ADGRB1: variants seen among roughly 807,000 people sequenced by gnomAD.
ADGRB1 encodes the protein adhesion G protein-coupled receptor B1, also known as brain-specific angiogenesis inhibitor 1.
In ADGRB1, 36 loss-of-function variants were observed where a neutral mutation model predicts 175.7. That is an observed-to-expected ratio of 0.20 (90% CI 0.16 to 0.27). The LOEUF (loss-of-function observed/expected upper bound fraction) is 0.27. Ranked by LOEUF, ADGRB1 falls within the 10% of genes least tolerant of loss-of-function variation. The pLI is 1.00. For missense variants in ADGRB1, 1,731 were observed against 2,255.3 expected (o/e 0.77, Z 4.71); for synonymous variants, 1,054 against 979.4 (o/e 1.08, Z -1.42).
chr8:142,516,288 T>C (rs1163086870), intron 18 of ADGRB1, among the ~76,000 whole-genome samples: 1 of 132,840 alleles, frequency 7.5e-6, no homozygotes, highest in Non-Finnish European at 1.6e-5. Context: ...GTTGCGTGTG[T>C]GTGGGCCCCA....
At chr8:142,528,675 G>GC (rs1016861899) in intron 24 of ADGRB1, among the ~76,000 whole-genome samples, 1 of 151,974 alleles carries the variant, frequency 6.6e-6, no homozygotes, top group Non-Finnish European at 1.5e-5. Context: ...TCCCTCCTAG[G>GC]CCCACCCTTG....
In ADGRB1 at chr8:142,464,117, C is replaced by T. The variant is rs1472911844; in HGVS notation, c.-82C>T. Reference sequence around the variant, plus strand: ...CTGCCCCCACCGGGCCGGCCCTGCCCGCCGCCGGACCCTGGCATGTCAAGA... The same window carrying T: ...CTGCCCCCACCGGGCCGGCCCTGCCTGCCGCCGGACCCTGGCATGTCAAGA... On this transcript the variant is annotated 5_prime_UTR_variant, in exon 2 of 31. Coordinates refer to ENST00000517894, the MANE Select transcript of ADGRB1 (RefSeq NM_001702.3). 4 of 1,187,806 alleles carry T rather than the reference C, an allele frequency of 3.4e-6. No homozygotes were observed. Among genetic ancestry groups the T allele is most frequent in the Admixed American group, 4.4e-5 (1 of 22,752 alleles). The allele number at this position is 1,187,806 out of a possible 1,614,324, so 73.6% of individuals were successfully genotyped here. A position where few individuals can be genotyped will look rare whatever the true frequency, so the allele number is the denominator to read the frequency against.
chr8:142,481,268 C>T lies in ADGRB1; in HGVS notation c.1843C>T (p.Arg615Trp), dbSNP rs765738842. 10 of 1,613,664 alleles carry T rather than the reference C, an allele frequency of 6.2e-6. No homozygotes were observed. Among genetic ancestry groups the T allele is most frequent in the East Asian group, 2.2e-5 (1 of 44,906 alleles). ...PRNATGLILR[R>W]CELDEEGIAY... ...GGTCTCCCCAGGACTCATCCTGCGACGGTGTGAGCTGGACGAGGAAGGCAT... is the reference window on the plus strand; with the variant it reads ...GGTCTCCCCAGGACTCATCCTGCGATGGTGTGAGCTGGACGAGGAAGGCAT... The change falls in exon 10 of 31, where the codon CGG becomes TGG. Residue 615 changes from arginine to tryptophan, a missense_variant. Transcript: ENST00000517894.
At chr8:142,512,324 G>A (rs1245773480) in intron 18 of ADGRB1, among the ~76,000 whole-genome samples, 3 of 152,220 alleles carry the variant, frequency 2.0e-5, no homozygotes, top group Non-Finnish European at 4.4e-5. Flanking sequence ...AGTCTGAAGG[G>A]CCATCTCGGA....
chr8:142,490,704 A>G (rs1258445270), intron 16 of ADGRB1, 68 bp from the exon 17 acceptor site: 3 of 1,504,844 alleles, frequency 2.0e-6, no homozygotes, highest in African/African-American at 2.8e-5. Flanking sequence ...GGTGGGTCCC[A>G]TGGTGACCCG....
At chr8:142,450,642 C>T (rs974466297) in intron 1 of ADGRB1, among the ~76,000 whole-genome samples, 3 of 152,136 alleles carry the variant, frequency 2.0e-5, no homozygotes, top group Non-Finnish European at 4.4e-5. Context: ...CCGAGACGTC[C>T]TCCCCCCACG....
chr8:142,468,194 A>G (rs1390897155), intron 2 of ADGRB1, among the ~76,000 whole-genome samples: 7 of 151,572 alleles, frequency 4.6e-5, no homozygotes, highest in Admixed American at 1.3e-4. Flanking sequence ...GGGTGCCCCC[A>G]TGTAAGTGTG....
chr8:142,487,419 G>A (rs929767475), intron 13 of ADGRB1, among the ~76,000 whole-genome samples: 5 of 152,154 alleles, frequency 3.3e-5, no homozygotes, highest in African/African-American at 9.7e-5. Context: ...GACCCAGTCC[G>A]AATTCCCTCT....
intron 22 of ADGRB1, among the ~76,000 whole-genome samples, 199 bp from the exon 23 acceptor site, chr8:142,524,039 T>C (rs1844026546): frequency 1.3e-5 from 2 of 151,894 alleles, no homozygotes; most frequent in African/African-American, 4.8e-5. Flanking sequence ...AAAATGGGGG[T>C]GACAGTGGCT....
intron 2 of ADGRB1, among the ~76,000 whole-genome samples, chr8:142,469,473 ATGTG>A (rs747797345): frequency 8.4e-6 from 1 of 118,690 alleles, no homozygotes; most frequent in Non-Finnish European, 1.8e-5. Context: ...ATGCACGTGC[ATGTG>A]TGAGTGTGTA....
chr8:142,508,994 T>G (rs1184354684), intron 17 of ADGRB1, among the ~76,000 whole-genome samples: 1 of 152,144 alleles, frequency 6.6e-6, no homozygotes, highest in Non-Finnish European at 1.5e-5. Flanking sequence ...ACAGTTTTCC[T>G]TCTCTGTAAA....
chr8:142,464,173 G>T lies in ADGRB1; in HGVS notation c.-26G>T. ...TCCGCGCCTGCCTGCCCAGCCCGCG[G>T]AACCCCGGCGGCCCCGCGAGCTAGG... On this transcript the variant is annotated 5_prime_UTR_variant, in exon 2 of 31. It introduces an in-frame stop codon into an upstream open reading frame of the 5' UTR. Coordinates refer to ENST00000517894, the MANE Select transcript of ADGRB1 (RefSeq NM_001702.3). The T allele has an allele frequency of 8.0e-7, 1 of 1,256,476 alleles. No homozygotes were observed. The highest frequency in any genetic ancestry group is 3.3e-5 in the South Asian group (1 of 30,278). 77.8% of individuals were successfully genotyped at this position (1,256,476 alleles called of 1,614,324 possible).
intron 13 of ADGRB1, among the ~76,000 whole-genome samples, chr8:142,487,215 C>T (rs1272237530): frequency 6.6e-6 from 1 of 152,156 alleles, no homozygotes; most frequent in African/African-American, 2.4e-5. Flanking sequence ...CACCGCCCCT[C>T]GATGACCCTG....
rs564016726 is a variant in ADGRB1 at position 142,520,939 on chromosome 8, C to T, written c.3024+14C>T. The stretch of plus-strand genomic sequence containing the variant: ...ACCCGCAACAAGGTAGGCAGCCTTG[C>T]GTCCTGCCATGCACTTCCCAACATC... On this transcript the variant is annotated intron_variant, in intron 20 of 30. Transcript: ENST00000517894. 105 of 1,602,542 alleles carry T rather than the reference C, an allele frequency of 6.6e-5. 1 individual carries two copies. The Middle Eastern group carries it at 6.7e-4, about 10-fold the overall frequency.
chr8:142,522,089 G>A lies in ADGRB1; in HGVS notation c.3149G>A (p.Arg1050His), dbSNP rs887675747. 6.2e-7 allele frequency: 1 copy of A among 1,611,220 alleles called. No individual in the cohort carries two copies. The highest frequency in any genetic ancestry group is 2.2e-5 in the East Asian group (1 of 44,842). Residue 1050 changes from arginine to histidine, a missense_variant, in exon 21 of 31, where the codon CGC becomes CAC. By Grantham distance (29) the Arg-to-His change is conservative. This residue lies in a region of ADGRB1 where 301 missense variants were observed against 488.4 expected (regional missense o/e 0.62). Coordinates refer to ENST00000517894, the MANE Select transcript of ADGRB1 (RefSeq NM_001702.3). ...GGCCACCTCCGGAACCGCCTCATCC[G>A]CAAGCGCTTCCTCTGCCTGGGCTGG... ...VTGHLRNRLI[R>H]KRFLCLGWGL...
chr8:142,519,606 GTGA>G (rs1484568182), intron 19 of ADGRB1, among the ~76,000 whole-genome samples: 2 of 151,106 alleles, frequency 1.3e-5, no homozygotes, highest in Non-Finnish European at 3.0e-5. Context: ...GGTGATGGTA[GTGA>G]TGGTGGTGGT....
At chr8:142,472,595 A>G (rs1355211663) in intron 2 of ADGRB1, among the ~76,000 whole-genome samples, 1 of 152,194 alleles carries the variant, frequency 6.6e-6, no homozygotes, top group African/African-American at 2.4e-5. Context: ...ACAAACATTT[A>G]CTGAGTGTCA....
chr8:142,531,624 C>T (rs1303047137), intron 24 of ADGRB1, among the ~76,000 whole-genome samples: 12 of 152,168 alleles, frequency 7.9e-5, no homozygotes, highest in Non-Finnish European at 1.6e-4. Flanking sequence ...GGCCACGGTA[C>T]CCTGAGACCC....
chr8:142,542,782 C>G lies in ADGRB1; in HGVS notation c.4413+135C>G. The G allele has an allele frequency of 2.5e-6, 2 of 806,024 alleles. No individual in the cohort carries two copies. The highest frequency in any genetic ancestry group is 3.7e-6 in the Non-Finnish European group (2 of 537,244). 49.9% of individuals were successfully genotyped at this position (806,024 alleles called of 1,614,324 possible). A position where few individuals can be genotyped will look rare whatever the true frequency, so the allele number is the denominator to read the frequency against. On this transcript the variant is annotated intron_variant, in intron 28 of 30. Coordinates refer to ENST00000517894, the MANE Select transcript of ADGRB1 (RefSeq NM_001702.3). This position sits in a 1 kb window ranked among gnomAD's most constrained non-coding sequence, Gnocchi z 6.3. ...CTGCCTCCTAGCTACACCCCCCACCCCTGGCCCTGCTGGGTGTGCTGTGTA... is the reference window on the plus strand; with the variant it reads ...CTGCCTCCTAGCTACACCCCCCACCGCTGGCCCTGCTGGGTGTGCTGTGTA...
Sources: gnomAD v4.1 joint callset for allele counts (sites outside exome capture counted in the v4.1 genomes callset) on GRCh38, gnomAD v4.1.1 for gene constraint, gnomAD v4.1.1 regional missense constraint, Gnocchi (gnomAD v3.1) non-coding constraint, MANE v1.5 for transcripts, NCBI Gene and HGNC (gene_info 2026-07-23, HGNC 2026-07-21) for gene names.